ELMO1: variants seen among roughly 807,000 people sequenced by gnomAD.
The protein encoded by ELMO1 is engulfment and cell motility protein 1.
ELMO1 carries 26 observed loss-of-function variants against 98.9 expected under a neutral mutation model. That is an observed-to-expected ratio of 0.26 (90% CI 0.19 to 0.36). The LOEUF (loss-of-function observed/expected upper bound fraction) is 0.36. ELMO1 is among the 10% of genes least tolerant of loss of function. The pLI is 1.00. For synonymous variants in ELMO1, 346 were observed against 346.0 expected (o/e 1.00, Z 0.00); for missense variants, 627 against 935.2 (o/e 0.67, Z 4.30).
At chr7:37,289,956 G>C (rs917038335) in intron 4 of ELMO1, among the ~76,000 whole-genome samples, 6 of 152,142 alleles carry the variant, frequency 3.9e-5, no homozygotes, top group Non-Finnish European at 5.9e-5. Flanking sequence ...CTATGCTCTA[G>C]GCCTTGCCTC....
intron 1 of ELMO1, among the ~76,000 whole-genome samples, chr7:37,392,238 A>T (rs555420066): frequency 6.6e-6 from 1 of 152,326 alleles, no homozygotes; most frequent in Non-Finnish European, 1.5e-5. Context: ...AGAGGTCAGC[A>T]TATCTCTAAC....
intron 1 of ELMO1, chr7:37,429,831 G>A (rs1804858917): frequency 6.6e-6 from 1 of 152,302 alleles, no homozygotes; most frequent in Non-Finnish European, 1.5e-5. Flanking sequence ...GGACATAGAA[G>A]ATATTCAGGG....
intron 1 of ELMO1, among the ~76,000 whole-genome samples, chr7:37,343,336 C>CGGTG (rs1800818684): frequency 6.6e-6 from 1 of 151,096 alleles, no homozygotes; most frequent in Non-Finnish European, 1.5e-5. Flanking sequence ...AATGCACCTT[C>CGGTG]GGTGGGGGGT....
At chr7:37,294,072 A>T (rs1797903213) in intron 4 of ELMO1, among the ~76,000 whole-genome samples, 1 of 152,128 alleles carries the variant, frequency 6.6e-6, no homozygotes, top group African/African-American at 2.4e-5. Flanking sequence ...TATACTTTTT[A>T]AAATACAGGT....
At chr7:36,908,044 C>G (rs1388498796) in intron 16 of ELMO1, among the ~76,000 whole-genome samples, 4 of 152,196 alleles carry the variant, frequency 2.6e-5, no homozygotes, top group Non-Finnish European at 5.9e-5. Flanking sequence ...CGGGCCTGAA[C>G]TTGTGTTCAG....
At chr7:37,163,267 T>G (rs1789355564) in intron 13 of ELMO1, among the ~76,000 whole-genome samples, 1 of 152,208 alleles carries the variant, frequency 6.6e-6, no homozygotes, top group Admixed American at 6.5e-5. Context: ...TGTTTGTGTG[T>G]AGAGACTTTT....
chr7:37,335,851 C>T (rs967251348), intron 2 of ELMO1, among the ~76,000 whole-genome samples: 9 of 152,128 alleles, frequency 5.9e-5, no homozygotes, highest in Non-Finnish European at 1.0e-4. Flanking sequence ...TGAGATGGCC[C>T]GTGCTGGCTT....
In ELMO1 at chr7:37,110,699, T is replaced by C. The variant is rs138702529; in HGVS notation, c.1192-13972A>G. ...TTCACCGGCTCACCTAGATTTATCA[T>C]GGGAAAGAAAAATCCACAGTCTCCT... On this transcript the variant is annotated intron_variant, in intron 14 of 21. Coordinates refer to ENST00000310758, the MANE Select transcript of ELMO1 (RefSeq NM_014800.11). 3.3e-3 allele frequency among the ~76,000 whole-genome samples: 504 copies of C among 152,256 alleles called. 9 individuals carry two copies. The East Asian group carries it at 0.049, about 15-fold the overall frequency.
intron 15 of ELMO1, among the ~76,000 whole-genome samples, chr7:37,030,678 C>G (rs1457357894): frequency 6.6e-6 from 1 of 152,150 alleles, no homozygotes. Context: ...GATAATTGTT[C>G]TTCTTCCCAA....
chr7:37,335,550 T>C (rs1477857773), intron 2 of ELMO1, among the ~76,000 whole-genome samples: 1 of 152,112 alleles, frequency 6.6e-6, no homozygotes, highest in Admixed American at 6.5e-5. Context: ...TCAAGAATCA[T>C]CCATGTCTAT....
intron 18 of ELMO1, 73 bp downstream of exon 18, chr7:36,887,487 T>C: frequency 7.2e-7 from 1 of 1,393,244 alleles, no homozygotes; most frequent in Non-Finnish European, 1.0e-6. Context: ...ACCAACACCA[T>C]GCCCTTGTGA....
intron 7 of ELMO1, among the ~76,000 whole-genome samples, chr7:37,240,035 T>C (rs1250824986): frequency 7.9e-6 from 1 of 126,036 alleles, no homozygotes; most frequent in Non-Finnish European, 1.7e-5. Context: ...TTTCTTTCTT[T>C]TTTTTTTTCT....
At chr7:37,037,446 T>C (rs182927935) in intron 15 of ELMO1, among the ~76,000 whole-genome samples, 15 of 152,268 alleles carry the variant, frequency 9.9e-5, no homozygotes, top group African/African-American at 3.6e-4. Flanking sequence ...ACAGAGGAGA[T>C]GGGAAAATAA....
chr7:37,377,089 A>T (rs1802380890), intron 1 of ELMO1, among the ~76,000 whole-genome samples: 1 of 152,260 alleles, frequency 6.6e-6, no homozygotes, highest in Non-Finnish European at 1.5e-5. Context: ...CACTTACATT[A>T]GCCTACAGGT....
At chr7:37,305,528 T>G (rs1798568630) in intron 4 of ELMO1, among the ~76,000 whole-genome samples, 1 of 152,088 alleles carries the variant, frequency 6.6e-6, no homozygotes, top group Admixed American at 6.6e-5. Flanking sequence ...AAAGCCAAAC[T>G]AAACTTTTTA....
At chr7:37,339,768 A>G (rs1800618974) in intron 2 of ELMO1, among the ~76,000 whole-genome samples, 1 of 152,126 alleles carries the variant, frequency 6.6e-6, no homozygotes, top group Non-Finnish European at 1.5e-5. Flanking sequence ...TGTGATTAAT[A>G]GGAGGCCTAT....
At chr7:37,173,097 G>A (rs1790279716) in intron 13 of ELMO1, among the ~76,000 whole-genome samples, 1 of 152,320 alleles carries the variant, frequency 6.6e-6, no homozygotes, top group South Asian at 2.1e-4. Flanking sequence ...AGCATTTCCT[G>A]TATCTTAATT....
At position 37,244,261 on chromosome 7, in the gene ELMO1, T is replaced by C. The variant is rs549574550; in HGVS notation, c.449+95A>G. On this transcript the variant is annotated intron_variant, in intron 7 of 21. Transcript: ENST00000310758. The stretch of plus-strand genomic sequence containing the variant: ...AAAATCACTTATTCAAAATACTAGA[T>C]GCATAGTTATACAATCAGTCAGATG... The C allele has an allele frequency of 6.0e-4, 744 of 1,238,280 alleles. 2 individuals carry two copies. Among genetic ancestry groups the C allele is most frequent in the Non-Finnish European group, 2.6e-4 (235 of 891,894 alleles). 76.7% of individuals were successfully genotyped at this position (1,238,280 alleles called of 1,614,324 possible).
intron 15 of ELMO1, among the ~76,000 whole-genome samples, chr7:37,035,399 A>G (rs1795121705): frequency 4.6e-5 from 7 of 152,180 alleles, no homozygotes; most frequent in Admixed American, 2.6e-4. Context: ...TGCTTTTCTA[A>G]TAGCAATTCT....
Sources: gnomAD v4.1 joint callset for allele counts (sites outside exome capture counted in the v4.1 genomes callset) on GRCh38, gnomAD v4.1.1 for gene constraint, MANE v1.5 for transcripts, NCBI Gene and HGNC (gene_info 2026-07-23, HGNC 2026-07-21) for gene names.